SNX29: variants seen among roughly 807,000 people sequenced by gnomAD.
The protein encoded by SNX29 is sorting nexin-29.
A neutral mutation model predicts 102.1 loss-of-function variants in SNX29; 78 were observed. That is an observed-to-expected ratio of 0.76 (90% CI 0.64 to 0.92). SNX29 has a LOEUF of 0.92. Ranked by LOEUF, SNX29 falls within the 40% of genes least tolerant of loss-of-function variation. The pLI is 0.00. For missense variants in SNX29, 1,280 were observed against 1,061.7 expected (o/e 1.21, Z -2.86); for synonymous variants, 580 against 414.5 (o/e 1.40, Z -4.85).
At chr16:12,180,062 C>G (rs188657215) in intron 13 of SNX29, among the ~76,000 whole-genome samples, 1 of 152,110 alleles carries the variant, frequency 6.6e-6, no homozygotes, top group East Asian at 1.9e-4. Flanking sequence ...GTTTTTAGTA[C>G]CTGTTATTTT....
At chr16:12,462,313 G>C (rs920562974) in intron 18 of SNX29, among the ~76,000 whole-genome samples, 4 of 152,054 alleles carry the variant, frequency 2.6e-5, no homozygotes, top group African/African-American at 9.6e-5. Flanking sequence ...GATGTGACTT[G>C]CCTTTTCAAG....
chr16:12,087,774 C>G (rs1567195117), intron 11 of SNX29: 4 of 444,122 alleles, frequency 9.0e-6, no homozygotes, highest in Non-Finnish European at 1.8e-5. Context: ...CTCAGAGTCA[C>G]ACAGCCAAAC....
At chr16:12,159,830 A>G (rs2055706787) in intron 13 of SNX29, among the ~76,000 whole-genome samples, 3 of 152,210 alleles carry the variant, frequency 2.0e-5, no homozygotes, top group Non-Finnish European at 2.9e-5. Flanking sequence ...AGGAAGTACA[A>G]GGTCCTTTGC....
intron 19 of SNX29, among the ~76,000 whole-genome samples, chr16:12,483,116 T>TTTG (rs1567610174): frequency 5.2e-4 from 48 of 93,052 alleles, no homozygotes; most frequent in African/African-American, 2.4e-3. Context: ...GTTATTAAGT[T>TTTG]TTTTTTTTTT....
At chr16:12,135,584 C>G (rs931705966) in intron 13 of SNX29, 2 of 1,338,756 alleles carry the variant, frequency 1.5e-6, no homozygotes, top group Admixed American at 4.5e-5. Context: ...GATTCTAACC[C>G]CACGTGAGAA....
In SNX29 at chr16:12,570,956, C is replaced by T. The variant is rs1163824420; in HGVS notation, c.*2327C>T. 4.3e-6 allele frequency: 1 copy of T among 232,036 alleles called. No individual in the cohort carries two copies. Among genetic ancestry groups the T allele is most frequent in the Non-Finnish European group, 8.5e-6 (1 of 117,392 alleles). 14.4% of individuals were successfully genotyped at this position (232,036 alleles called of 1,614,324 possible). ...CCTGGGAGCCACATGGGGACCATCC[C>T]CAGCTGCCTGCTCCTGGTACCTCCC... On this transcript the variant is annotated 3_prime_UTR_variant, in exon 21 of 21. Coordinates refer to ENST00000566228, the MANE Select transcript of SNX29 (RefSeq NM_032167.5).
At chr16:12,263,986 C>T (rs2078853433) in intron 14 of SNX29, among the ~76,000 whole-genome samples, 2 of 152,236 alleles carry the variant, frequency 1.3e-5, no homozygotes, top group Non-Finnish European at 2.9e-5. Flanking sequence ...CATTGCCATC[C>T]ATGGAGCATG....
At chr16:12,483,114 GTTTT>G (rs574090459) in intron 19 of SNX29, among the ~76,000 whole-genome samples, 24 of 66,208 alleles carry the variant, frequency 3.6e-4, no homozygotes, top group East Asian at 1.3e-3. Context: ...AAGTTATTAA[GTTTT>G]TTTTTTTTTT....
intron 17 of SNX29, among the ~76,000 whole-genome samples, chr16:12,401,104 T>G (rs995923313): frequency 1.3e-5 from 2 of 152,146 alleles, no homozygotes; most frequent in Admixed American, 1.3e-4. Context: ...GTGTTGAGAT[T>G]ACAGGCGTGA....
chr16:12,550,544 A>T (rs996389512), intron 20 of SNX29, among the ~76,000 whole-genome samples: 3 of 152,050 alleles, frequency 2.0e-5, no homozygotes, highest in Admixed American at 6.5e-5. Context: ...AAAAAAAAAA[A>T]AAACCAAACA....
intron 15 of SNX29, among the ~76,000 whole-genome samples, chr16:12,309,729 C>T (rs375331454): frequency 2.0e-5 from 3 of 152,122 alleles, no homozygotes; most frequent in Admixed American, 1.3e-4. Flanking sequence ...ACTCTTAAAT[C>T]GCTCCCGCCA....
intron 15 of SNX29, among the ~76,000 whole-genome samples, chr16:12,308,534 C>T (rs2080422245): frequency 6.6e-6 from 1 of 152,136 alleles, no homozygotes; most frequent in South Asian, 2.1e-4. Flanking sequence ...CGTCATCCCT[C>T]CTTCATGTTT....
intron 1 of SNX29, among the ~76,000 whole-genome samples, chr16:11,998,607 G>A (rs2056173924): frequency 6.6e-6 from 1 of 152,176 alleles, no homozygotes; most frequent in Admixed American, 6.5e-5. Flanking sequence ...ATGCTACTCT[G>A]GCTCCACCCA....
chr16:12,155,655 G>A (rs2055515826), intron 13 of SNX29, among the ~76,000 whole-genome samples: 1 of 152,204 alleles, frequency 6.6e-6, no homozygotes, highest in Admixed American at 6.5e-5. Flanking sequence ...ATGCGTTTGA[G>A]TAGAGGGTGG....
intron 18 of SNX29, among the ~76,000 whole-genome samples, chr16:12,415,338 T>C (rs559004664): frequency 6.6e-6 from 1 of 152,216 alleles, no homozygotes; most frequent in Non-Finnish European, 1.5e-5. Context: ...CAGGATTGCC[T>C]TGGAGTCTTG....
intron 18 of SNX29, among the ~76,000 whole-genome samples, chr16:12,450,564 A>T (rs1421107747): frequency 6.6e-6 from 1 of 152,196 alleles, no homozygotes; most frequent in South Asian, 2.1e-4. Flanking sequence ...GGCCCGAATC[A>T]TAGGCTCTGT....
rs778356672 is a variant in SNX29 at position 12,069,062 on chromosome 16, C to T, written c.1249C>T (p.Pro417Ser). 11 of 1,613,712 alleles carry T rather than the reference C, an allele frequency of 6.8e-6. No individual in the cohort carries two copies. In the African/African-American group the frequency reaches 1.1e-4, roughly 16 times the overall value. The stretch of plus-strand genomic sequence containing the variant: ...TGATTGCTCTCTCTGCACAGATGCC[C>T]CCCTCGGAAGCCTGGAGAACGGGAC... ...GVGSYSPADA[P>S]LGSLENGTGP... Residue 417 changes from proline (P) to serine (S), a missense_variant, in exon 10 of 21, where the codon CCC (proline) becomes TCC (serine). Pro to Ser is a moderately conservative substitution (Grantham distance 74). Transcript: ENST00000566228.
intron 3 of SNX29, among the ~76,000 whole-genome samples, chr16:12,022,294 G>A (rs377004194): frequency 7.3e-5 from 11 of 151,534 alleles, no homozygotes; most frequent in African/African-American, 1.7e-4. Flanking sequence ...TCCGCCTCCC[G>A]GGTTCAAGCG....
At chr16:12,563,631 G>A (rs1034213066) in intron 20 of SNX29, among the ~76,000 whole-genome samples, 2 of 152,072 alleles carry the variant, frequency 1.3e-5, no homozygotes, top group African/African-American at 4.8e-5. Flanking sequence ...GACTGTCCTG[G>A]CCCCAGAAGG....
Sources: gnomAD v4.1 joint callset for allele counts (sites outside exome capture counted in the v4.1 genomes callset) on GRCh38, gnomAD v4.1.1 for gene constraint, MANE v1.5 for transcripts, NCBI Gene and HGNC (gene_info 2026-07-23, HGNC 2026-07-21) for gene names.